Variants in ITGA8 observed in about 807,000 individuals in gnomAD.
ITGA8 encodes integrin alpha-8.
ITGA8 carries 91 observed loss-of-function variants against 142.3 expected under a neutral mutation model. The ratio of observed to expected loss-of-function variants is 0.64; its 90% CI spans 0.54 to 0.76. The LOEUF (loss-of-function observed/expected upper bound fraction) is 0.76, where lower values mean the gene tolerates loss of function less well. Among genes scored for constraint, ITGA8 ranks in the 30% least tolerant of loss-of-function variants. The pLI is 0.00. For missense variants in ITGA8, 1,406 were observed against 1,327.7 expected (o/e 1.06, Z -0.92); for synonymous variants, 505 against 485.2 (o/e 1.04, Z -0.54).
intron 20 of ITGA8, among the ~76,000 whole-genome samples, chr10:15,599,043 A>G (rs148294232): frequency 2.0e-5 from 3 of 151,978 alleles, no homozygotes; most frequent in Non-Finnish European, 4.4e-5. Context: ...AAGTCCTCAT[A>G]TGTCCCTTGA....
chr10:15,599,805 C>G (rs142675535), intron 20 of ITGA8, among the ~76,000 whole-genome samples: 1 of 152,282 alleles, frequency 6.6e-6, no homozygotes, highest in Non-Finnish European at 1.5e-5. Context: ...CCTGTAATCC[C>G]AGCTACTAGG....
At chr10:15,613,241 A>C (rs1380199040) in intron 15 of ITGA8, among the ~76,000 whole-genome samples, 1 of 152,180 alleles carries the variant, frequency 6.6e-6, no homozygotes, top group African/African-American at 2.4e-5. Flanking sequence ...CAGTATCTAT[A>C]AGCATATGCC....
intron 10 of ITGA8, among the ~76,000 whole-genome samples, chr10:15,658,403 C>T (rs1415989630): frequency 6.6e-6 from 1 of 152,076 alleles, no homozygotes; most frequent in African/African-American, 2.4e-5. Flanking sequence ...ATTCTTAATC[C>T]CAAACACCGC....
At chr10:15,600,419 A>G (rs1467812698) in intron 20 of ITGA8, among the ~76,000 whole-genome samples, 1 of 152,220 alleles carries the variant, frequency 6.6e-6, no homozygotes, top group Non-Finnish European at 1.5e-5. Context: ...AGAATTGAAA[A>G]TAAGTAGGAT....
Position 15,616,515 on chromosome 10 carries a change from T to A in ITGA8, c.1444A>T (p.Arg482Ter). The stretch of plus-strand genomic sequence containing the variant: ...ATTTGAATACTACCAACCACATACC[T>A]GTAAACAGCGACTTTTCCTGTTCCA... ...AFGTGKVAVY[R>*]ARPVVTVDAQ... The change falls in exon 14 of 30, where the codon AGA becomes TGA. Residue 482 changes from arginine (R) to a stop codon, truncating the protein, a stop_gained and splice_region_variant. Coordinates refer to ENST00000378076, the MANE Select transcript of ITGA8 (RefSeq NM_003638.3). LOFTEE classifies it high-confidence loss of function. The A allele has an allele frequency of 6.2e-7, 1 of 1,609,226 alleles. No homozygotes were observed. Among genetic ancestry groups the A allele is most frequent in the East Asian group, 2.2e-5 (1 of 44,844 alleles).
chr10:15,587,861 G>A (rs761477776), intron 22 of ITGA8, among the ~76,000 whole-genome samples: 6 of 152,190 alleles, frequency 3.9e-5, no homozygotes, highest in African/African-American at 7.2e-5. Context: ...AAATGTGTGT[G>A]CTATAAGGAA....
Position 15,688,002 on chromosome 10 carries a change from G to A in ITGA8, c.380C>T (p.Pro127Leu), listed in dbSNP as rs1007414566. The A allele has an allele frequency of 6.2e-7, 1 of 1,613,100 alleles. No individual in the cohort carries two copies. The highest frequency in any genetic ancestry group is 1.3e-5 in the African/African-American group (1 of 74,868). ...CCACTGATTGGATTTGAACTCGATA[G>A]GTTCTTTGGTTCCATTAACTCTGAT... Reference protein sequence around the residue: ...RKIRVNGTKEPIEFKSNQWFG... With the variant: ...RKIRVNGTKELIEFKSNQWFG... The change falls in exon 3 of 30, where the codon CCT becomes CTT. Residue 127 changes from proline to leucine, a missense_variant. Pro to Leu is a moderately conservative substitution (Grantham distance 98). Coordinates refer to ENST00000378076, the MANE Select transcript of ITGA8 (RefSeq NM_003638.3).
rs1564384627 is a variant in ITGA8 at position 15,635,917 on chromosome 10, C to CCACA, written c.1399+8112_1399+8113insTGTG. On this transcript the variant is annotated intron_variant, in intron 13 of 29. Transcript: ENST00000378076. ...GTTCTGTGTTACTTGTTTGCTTATA[C>CCACA]TACACACACACACACACACACACAC... Among the ~76,000 whole-genome samples, 3 of 86,224 alleles carry CCACA rather than the reference C, an allele frequency of 3.5e-5. No individual in the cohort carries two copies. The East Asian group carries it at 1.3e-3, about 37-fold the overall frequency. The allele number at this position is 86,224 out of a possible 152,430, so 56.6% of individuals were successfully genotyped here. A position where few individuals can be genotyped will look rare whatever the true frequency, so the allele number is the denominator to read the frequency against.
At chr10:15,567,662 G>A (rs376898838) in intron 25 of ITGA8, among the ~76,000 whole-genome samples, 74 of 152,270 alleles carry the variant, frequency 4.9e-4, no homozygotes, top group African/African-American at 1.8e-3. Context: ...ATTTTCATTG[G>A]GAGGCAAAAG....
At chr10:15,665,791 T>TG (rs1473671781) in intron 8 of ITGA8, among the ~76,000 whole-genome samples, 1 of 152,196 alleles carries the variant, frequency 6.6e-6, no homozygotes, top group Non-Finnish European at 1.5e-5. Flanking sequence ...CCCCATTGCT[T>TG]GTTTTTGTCA....
intron 23 of ITGA8, among the ~76,000 whole-genome samples, chr10:15,576,680 CTCTT>C (rs1318584482): frequency 1.3e-5 from 2 of 152,144 alleles, no homozygotes; most frequent in Non-Finnish European, 2.9e-5. Context: ...CTGTATATCT[CTCTT>C]TCTTCATCTG....
At chr10:15,655,753 C>G (rs1421351356) in intron 10 of ITGA8, among the ~76,000 whole-genome samples, 5 of 152,154 alleles carry the variant, frequency 3.3e-5, no homozygotes, top group African/African-American at 1.2e-4. Flanking sequence ...TTGAATCTCA[C>G]AGAAGGAATC....
At chr10:15,699,024 G>A (rs542381310) in intron 2 of ITGA8, among the ~76,000 whole-genome samples, 1 of 152,322 alleles carries the variant, frequency 6.6e-6, no homozygotes, top group African/African-American at 2.4e-5. Flanking sequence ...AGTGGCTCAT[G>A]CCTGTAATCC....
intron 27 of ITGA8, among the ~76,000 whole-genome samples, chr10:15,541,658 C>A (rs891797903): frequency 6.6e-6 from 1 of 152,140 alleles, no homozygotes; most frequent in Non-Finnish European, 1.5e-5. Context: ...TCAGGTGATA[C>A]AAGGGCTGGG....
intron 28 of ITGA8, among the ~76,000 whole-genome samples, chr10:15,525,743 T>G (rs1833161577): frequency 6.6e-6 from 1 of 151,958 alleles, no homozygotes; most frequent in South Asian, 2.1e-4. Flanking sequence ...TATTATTTAT[T>G]AATGATAAAA....
intron 13 of ITGA8, among the ~76,000 whole-genome samples, chr10:15,640,673 G>A (rs377047013): frequency 2.6e-4 from 40 of 152,320 alleles, no homozygotes; most frequent in African/African-American, 8.9e-4. Flanking sequence ...ATGCCTGGGT[G>A]GAAACTGGCA....
At chr10:15,694,212 GATAAC>G (rs1305631165) in intron 2 of ITGA8, among the ~76,000 whole-genome samples, 1 of 133,602 alleles carries the variant, frequency 7.5e-6, no homozygotes, top group Non-Finnish European at 1.5e-5. Context: ...TCATATATAT[GATAAC>G]ATATCATATA....
intron 25 of ITGA8, among the ~76,000 whole-genome samples, chr10:15,565,823 C>T (rs1303388102): frequency 6.6e-6 from 1 of 151,864 alleles, no homozygotes; most frequent in East Asian, 1.9e-4. Flanking sequence ...CTCCTGACTT[C>T]AAGTGATCCT....
chr10:15,630,830 TA>T (rs905036455), intron 13 of ITGA8, among the ~76,000 whole-genome samples: 3 of 151,968 alleles, frequency 2.0e-5, no homozygotes, highest in Non-Finnish European at 4.4e-5. Flanking sequence ...TCCTATTTTT[TA>T]AAAAAAGCCT....
Sources: allele counts gnomAD v4.1 joint callset (sites outside exome capture counted in the v4.1 genomes callset), GRCh38; gene constraint gnomAD v4.1.1; transcripts MANE v1.5; gene names NCBI Gene and HGNC (gene_info 2026-07-23, HGNC 2026-07-21).